The following DTNBP1 variants were observed in gnomAD, a reference collection of about 807,000 sequenced individuals.
The protein encoded by DTNBP1 is dysbindin.
Under a neutral mutation model 42.8 loss-of-function variants are expected in DTNBP1, and 35 were observed. That is an observed-to-expected ratio of 0.82 (90% CI 0.63 to 1.09). DTNBP1 has a LOEUF of 1.09. Ranked by LOEUF, DTNBP1 falls within the 50% of genes least tolerant of loss-of-function variation. The probability of loss-of-function intolerance (pLI) is 0.00; values close to 1 mark genes in which losing one functional copy is unlikely to be tolerated. For missense variants in DTNBP1, 457 were observed against 424.2 expected (o/e 1.08, Z -0.68); for synonymous variants, 171 against 162.2 (o/e 1.05, Z -0.41).
At chr6:15,560,749 G>A (rs1165786528) in intron 7 of DTNBP1, among the ~76,000 whole-genome samples, 1 of 152,170 alleles carries the variant, frequency 6.6e-6, no homozygotes, top group Non-Finnish European at 1.5e-5. Flanking sequence ...GGCTCAGGAG[G>A]CCCAGGTTAT....
intron 7 of DTNBP1, among the ~76,000 whole-genome samples, chr6:15,557,405 G>C (rs10456201): frequency 0.14 from 20,649 of 152,070 alleles, 1,568 homozygotes; most frequent in East Asian, 0.27. Context: ...AGTTAAAGGG[G>C]TAATATTCAG....
At chr6:15,647,016 TAA>T (rs1374808045) in intron 3 of DTNBP1, among the ~76,000 whole-genome samples, 1 of 144,618 alleles carries the variant, frequency 6.9e-6, no homozygotes, top group Non-Finnish European at 1.6e-5. Context: ...AAATGGGACT[TAA>T]ACTAAAGAGC....
At chr6:15,594,824 G>A (rs1001916000) in intron 6 of DTNBP1, among the ~76,000 whole-genome samples, 1 of 151,572 alleles carries the variant, frequency 6.6e-6, no homozygotes, top group Non-Finnish European at 1.5e-5. Context: ...TTTAGAATGT[G>A]TGACTGTGAG....
At chr6:15,654,436 G>A (rs1761173926) in intron 1 of DTNBP1, among the ~76,000 whole-genome samples, 1 of 152,102 alleles carries the variant, frequency 6.6e-6, no homozygotes, top group Admixed American at 6.5e-5. Context: ...AGTGATTCAG[G>A]AGAATTCTAT....
intron 3 of DTNBP1, among the ~76,000 whole-genome samples, chr6:15,647,106 A>G (rs1760729258): frequency 6.6e-6 from 1 of 151,928 alleles, no homozygotes; most frequent in African/African-American, 2.4e-5. Flanking sequence ...CTATGCATCC[A>G]TCAAAAGACT....
chr6:15,605,005 G>C (rs757497322), intron 6 of DTNBP1, among the ~76,000 whole-genome samples: 1 of 152,138 alleles, frequency 6.6e-6, no homozygotes, highest in South Asian at 2.1e-4. Flanking sequence ...TCCAACAGAA[G>C]ACTATGTTAA....
chr6:15,621,492 G>A (rs1263179190), intron 5 of DTNBP1, among the ~76,000 whole-genome samples: 1 of 152,188 alleles, frequency 6.6e-6, no homozygotes, highest in African/African-American at 2.4e-5. Context: ...GAAAACATGT[G>A]AGTGGTTTAT....
intron 6 of DTNBP1, among the ~76,000 whole-genome samples, chr6:15,600,597 G>A (rs915091527): frequency 6.6e-6 from 1 of 152,138 alleles, no homozygotes; most frequent in Non-Finnish European, 1.5e-5. Context: ...GACTAATTAA[G>A]AGGCTATTAG....
chr6:15,544,505 A>C (rs9370822), intron 7 of DTNBP1, among the ~76,000 whole-genome samples: 55,166 of 152,090 alleles, frequency 0.36, 10,775 homozygotes, highest in East Asian at 0.64. Context: ...CAGAGTAGCT[A>C]TTCCATTTTA....
At chr6:15,567,517 T>C (rs560198398) in intron 7 of DTNBP1, among the ~76,000 whole-genome samples, 87 of 152,212 alleles carry the variant, frequency 5.7e-4, no homozygotes, top group Non-Finnish European at 7.5e-4. Flanking sequence ...CACAACCCTT[T>C]ATCTTAACCC....
At chr6:15,555,166 T>A (rs1440613507) in intron 7 of DTNBP1, among the ~76,000 whole-genome samples, 2 of 150,106 alleles carry the variant, frequency 1.3e-5, no homozygotes, top group African/African-American at 4.9e-5. Context: ...AGGATTTTAT[T>A]TCTCACTCCC....
intron 7 of DTNBP1, among the ~76,000 whole-genome samples, chr6:15,542,945 C>T (rs1773664784): frequency 6.6e-6 from 1 of 152,112 alleles, no homozygotes; most frequent in Non-Finnish European, 1.5e-5. Context: ...GGTGATCCGC[C>T]CACCTGAGTC....
intron 7 of DTNBP1, among the ~76,000 whole-genome samples, chr6:15,540,816 G>GT (rs1773515896): frequency 6.6e-6 from 1 of 151,996 alleles, no homozygotes; most frequent in Non-Finnish European, 1.5e-5. Context: ...TAATTTTTTT[G>GT]TATTTTTAGT....
At chr6:15,660,370 G>C (rs1761534472) in intron 1 of DTNBP1, 12 of 1,289,790 alleles carry the variant, frequency 9.3e-6, no homozygotes, top group African/African-American at 1.5e-5. Flanking sequence ...CTTAAATGTA[G>C]GAAATTGAGG....
At chr6:15,533,522 G>A in intron 7 of DTNBP1, 127 bp from the exon 8 acceptor site, 1 of 1,477,928 alleles carries the variant, frequency 6.8e-7, no homozygotes, top group East Asian at 2.3e-5. Flanking sequence ...CTGGGCTGGT[G>A]CCCCGACTGC....
intron 6 of DTNBP1, among the ~76,000 whole-genome samples, chr6:15,600,437 T>A (rs1287458345): frequency 2.0e-5 from 3 of 152,178 alleles, no homozygotes; most frequent in East Asian, 1.9e-4. Flanking sequence ...CTGGTACATA[T>A]TAAGTGTTCA....
At chr6:15,617,959 C>A (rs1198633306) in intron 5 of DTNBP1, among the ~76,000 whole-genome samples, 1 of 151,950 alleles carries the variant, frequency 6.6e-6, no homozygotes, top group East Asian at 1.9e-4. Flanking sequence ...GGAGAAAATA[C>A]CTACAAACTA....
In DTNBP1 at chr6:15,523,010, CCT is replaced by C. The variant is rs752074481; in HGVS notation, c.1019_1020del (p.Glu340GlyfsTer7). 7.0e-5 allele frequency: 113 copies of C among 1,614,242 alleles called. No individual in the cohort carries two copies. In the Middle Eastern group the frequency reaches 1.6e-3, roughly 24 times the overall value. On this transcript the variant is annotated frameshift_variant, in exon 10 of 10. Transcript: ENST00000344537. LOFTEE classifies it high-confidence loss of function. ...CTGTCCTCACCACCATCCGGAGTGGCCTCTCTGTCAGTGTGTGATGTGGCCAG... is the reference window on the plus strand; with the variant it reads ...CTGTCCTCACCACCATCCGGAGTGGCCTCTGTCAGTGTGTGATGTGGCCAG... ...TALATSHTDR[E>X]ATPDGGEDSD...
At chr6:15,646,938 T>C (rs550236920) in intron 3 of DTNBP1, among the ~76,000 whole-genome samples, 2 of 152,094 alleles carry the variant, frequency 1.3e-5, no homozygotes, top group South Asian at 4.1e-4. Flanking sequence ...AAAAAAACCC[T>C]TTTGGGCACT....
Sources: gnomAD v4.1 joint callset for allele counts (sites outside exome capture counted in the v4.1 genomes callset) on GRCh38, gnomAD v4.1.1 for gene constraint, MANE v1.5 for transcripts, NCBI Gene and HGNC (gene_info 2026-07-23, HGNC 2026-07-21) for gene names.